Variants in PIAS3 observed in about 807,000 individuals in gnomAD.
PIAS3 encodes E3 SUMO-protein ligase PIAS3.
A neutral mutation model predicts 67.6 loss-of-function variants in PIAS3; 34 were observed. The observed-to-expected ratio is 0.50, with a 90% CI of 0.38 to 0.67. The LOEUF is 0.67. PIAS3 is among the 30% of genes least tolerant of loss of function. PIAS3 has a pLI of 0.00. For missense variants in PIAS3, 693 were observed against 791.6 expected (o/e 0.88, Z 1.49); for synonymous variants, 341 against 313.8 (o/e 1.09, Z -0.92).
At chr1:145,854,698 C>G in intron 6 of PIAS3, 48 bp downstream of exon 6, 2 of 1,613,868 alleles carry the variant, frequency 1.2e-6, no homozygotes, top group Non-Finnish European at 1.7e-6. Context: ...GATGGTTCCC[C>G]TTCACCCTCA....
At position 145,854,390 on chromosome 1, in the gene PIAS3, T is replaced by C. The variant is rs1653077812; in HGVS notation, c.910+68A>G. 15 of 1,100,574 alleles carry C rather than the reference T, an allele frequency of 1.4e-5. 1 individual carries two copies. The highest frequency in any genetic ancestry group is 2.0e-4 in the Middle Eastern group (1 of 5,088). 68.2% of individuals were successfully genotyped at this position (1,100,574 alleles called of 1,614,324 possible). A position where few individuals can be genotyped will look rare whatever the true frequency, so the allele number is the denominator to read the frequency against. On this transcript the variant is annotated intron_variant, in intron 7 of 13. Transcript: ENST00000393045. ...CAAAAAAGAGGTATGGGTTTAATTA[T>C]GAAGGCTGGAGGGCCAGGAAGACTT... is the stretch of plus-strand genomic sequence containing the variant.
At chr1:145,857,389 C>G (rs1653235146) in intron 1 of PIAS3, 1 of 229,004 alleles carries the variant, frequency 4.4e-6, no homozygotes, top group Admixed American at 5.0e-5. Context: ...CTTGCCCTTT[C>G]TCAGACTCTC....
chr1:145,853,759 A>C, intron 8 of PIAS3, 54 bp downstream of exon 8: 1 of 1,608,488 alleles, frequency 6.2e-7, no homozygotes, highest in Non-Finnish European at 8.5e-7. Flanking sequence ...ATCAAAGTCC[A>C]CAGGCTAAAC....
chr1:145,850,273 G>A lies in PIAS3; in HGVS notation c.1583-4C>T, dbSNP rs782652779. ...AGAAATGAAAATAAATCTAAACCTG[G>A]CAGGAAAAGAAAAATCAAAATTAAC... On this transcript the variant is annotated splice_region_variant and splice_polypyrimidine_tract_variant and intron_variant, in intron 12 of 13. Transcript: ENST00000393045. The A allele has an allele frequency of 1.2e-6, 2 of 1,614,168 alleles. No homozygotes were observed. The highest frequency in any genetic ancestry group is 2.2e-5 in the South Asian group (2 of 91,086).
chr1:145,849,480 G>A lies in PIAS3; in HGVS notation c.1853C>T (p.Thr618Ile). Reference sequence around the variant, plus strand: ...GGAAATGATGTCTGACCGACAGCCAGTCAAAGAGGGACCTGAGGGCAGGGG... The same window carrying A: ...GGAAATGATGTCTGACCGACAGCCAATCAAAGAGGGACCTGAGGGCAGGGG... ...GGPLPSGPSL[T>I]GCRSDIISLD Residue 618 changes from threonine (T) to isoleucine (I), a missense_variant, in exon 14 of 14, where the codon ACT (threonine) becomes ATT (isoleucine). Thr to Ile is a moderately conservative substitution (Grantham distance 89). Transcript: ENST00000393045. 6.6e-7 allele frequency: 1 copy of A among 1,519,234 alleles called. No individual in the cohort carries two copies. The highest frequency in any genetic ancestry group is 2.3e-5 in the East Asian group (1 of 42,598). 94.1% of individuals were successfully genotyped at this position (1,519,234 alleles called of 1,614,324 possible). A position where few individuals can be genotyped will look rare whatever the true frequency, so the allele number is the denominator to read the frequency against.
intron 7 of PIAS3, 42 bp downstream of exon 7, chr1:145,854,416 G>T: frequency 7.3e-7 from 1 of 1,367,622 alleles, no homozygotes; most frequent in Non-Finnish European, 1.0e-6. Flanking sequence ...AGGAAGACTT[G>T]AATCCAGATC....
Position 145,856,445 on chromosome 1 carries a change from G to C in PIAS3, c.443-14C>G. ...TAGAAGTGGATGCTGAGGATACAAA[G>C]GGGCAGTTATTCCAAGCCCATGCAC... On this transcript the variant is annotated splice_polypyrimidine_tract_variant and intron_variant, in intron 2 of 13. Coordinates refer to ENST00000393045, the MANE Select transcript of PIAS3 (RefSeq NM_006099.3). 1.7e-5 allele frequency: 28 copies of C among 1,613,396 alleles called. No individual in the cohort carries two copies. The highest frequency in any genetic ancestry group is 2.4e-5 in the Non-Finnish European group (28 of 1,179,332).
In PIAS3 at chr1:145,859,069, G is replaced by C. The variant is rs2101689095; in HGVS notation, c.-79C>G. On this transcript the variant is annotated 5_prime_UTR_variant, in exon 1 of 14. Transcript: ENST00000393045. ...GCGCACAACTCTCCACCCTGGCGCC[G>C]GCCGCAAATGCCGCCTGCTCCGCCC... The C allele has an allele frequency of 7.0e-7, 1 of 1,423,560 alleles. No homozygotes were observed. Among genetic ancestry groups the C allele is most frequent in the East Asian group, 2.8e-5 (1 of 35,948 alleles). The allele number at this position is 1,423,560 out of a possible 1,614,324, so 88.2% of individuals were successfully genotyped here.
rs1553734908 is a variant in PIAS3, at chr1:145,853,867, A to T, written c.930T>A (p.Ala310=). 1 of 1,614,102 alleles carries T rather than the reference A, an allele frequency of 6.2e-7. No homozygotes were observed. Among genetic ancestry groups the T allele is most frequent in the Non-Finnish European group, 8.5e-7 (1 of 1,180,028 alleles). The change falls in exon 8 of 14, where the codon GCT becomes GCA. Residue 310 remains alanine (A), a synonymous_variant. Transcript: ENST00000393045. Reference sequence around the variant, plus strand: ...TAGTGGCCACCTCACTGTCAGGGTCAGCAGTCAATTTCTCCTTGACTGAAA... The same window carrying T: ...TAGTGGCCACCTCACTGTCAGGGTCTGCAGTCAATTTCTCCTTGACTGAAA... The part of the protein sequence containing the change: ...SRALIKEKLT[A]DPDSEVATTS...
In PIAS3 at chr1:145,849,309, G is replaced by A; in HGVS notation, c.*137C>T. 2.3e-6 allele frequency: 2 copies of A among 856,012 alleles called. No homozygotes were observed. Among genetic ancestry groups the A allele is most frequent in the African/African-American group, 1.7e-5 (1 of 57,504 alleles). The allele number at this position is 856,012 out of a possible 1,614,324, so 53.0% of individuals were successfully genotyped here. A position where few individuals can be genotyped will look rare whatever the true frequency, so the allele number is the denominator to read the frequency against. On this transcript the variant is annotated 3_prime_UTR_variant, in exon 14 of 14. Coordinates refer to ENST00000393045, the MANE Select transcript of PIAS3 (RefSeq NM_006099.3). Reference sequence around the variant, plus strand: ...GCTGGCCTTGTCAGGCAGAGATGAGGCCAAAAGTAGGCATCTGTGAAGGTC... The same window carrying A: ...GCTGGCCTTGTCAGGCAGAGATGAGACCAAAAGTAGGCATCTGTGAAGGTC...
At chr1:145,855,607 C>T (rs587647135) in intron 5 of PIAS3, 129 bp downstream of exon 5, 2 of 666,652 alleles carry the variant, frequency 3.0e-6, no homozygotes, top group East Asian at 5.2e-5. Context: ...TTGATTCAGT[C>T]AGTAAACTGA....
Position 145,849,440 on chromosome 1 carries a change from G to C in PIAS3, c.*6C>G. On this transcript the variant is annotated 3_prime_UTR_variant, in exon 14 of 14. Coordinates refer to ENST00000393045, the MANE Select transcript of PIAS3 (RefSeq NM_006099.3). ...GGGACAGCGAAGTTTCCATAATCCA[G>C]GGAACTCAGTCCAGGGAAATGATGT... 2 of 1,486,806 alleles carry C rather than the reference G, an allele frequency of 1.3e-6. No individual in the cohort carries two copies. Among genetic ancestry groups the C allele is most frequent in the Non-Finnish European group, 1.8e-6 (2 of 1,123,066 alleles). 92.1% of individuals were successfully genotyped at this position (1,486,806 alleles called of 1,614,324 possible).
intron 9 of PIAS3, 142 bp downstream of exon 9, chr1:145,853,362 A>G: frequency 3.4e-6 from 2 of 595,934 alleles, no homozygotes. Context: ...GTGAGCCAAG[A>G]TTGTGCCACT....
chr1:145,853,120 ATAT>A (rs1384922365), intron 9 of PIAS3, among the ~76,000 whole-genome samples: 1 of 152,158 alleles, frequency 6.6e-6, no homozygotes, highest in Admixed American at 6.6e-5. Flanking sequence ...GAAAAAAGAA[ATAT>A]TATAGGCTGG....
chr1:145,850,617 C>T, intron 11 of PIAS3, 31 bp from the exon 12 acceptor site: 1 of 1,609,764 alleles, frequency 6.2e-7, no homozygotes, highest in Non-Finnish European at 8.5e-7. Context: ...AGGCAGCCAG[C>T]AAACCACAGA....
chr1:145,848,660 C>T lies in PIAS3; in HGVS notation c.*786G>A. The T allele has an allele frequency of 1.7e-6, 1 of 586,774 alleles. No individual in the cohort carries two copies. The highest frequency in any genetic ancestry group is 2.1e-5 in the South Asian group (1 of 47,392). 36.3% of individuals were successfully genotyped at this position (586,774 alleles called of 1,614,324 possible). A position where few individuals can be genotyped will look rare whatever the true frequency, so the allele number is the denominator to read the frequency against. On this transcript the variant is annotated 3_prime_UTR_variant, in exon 14 of 14. Transcript: ENST00000393045. ...GGAGGGCACAGGGTCCTTCCACCTC[C>T]CTGGAAAGGTGCAGAATGAGCCAGG...
In PIAS3 at chr1:145,850,788, G is replaced by T. The variant is rs1553734112; in HGVS notation, c.1431C>A (p.Ala477=). 6.2e-7 allele frequency: 1 copy of T among 1,614,182 alleles called. No individual in the cohort carries two copies. Among genetic ancestry groups the T allele is most frequent in the Non-Finnish European group, 8.5e-7 (1 of 1,180,036 alleles). The change falls in exon 11 of 14, where the codon GCC becomes GCA. Residue 477 remains alanine, a synonymous_variant. Transcript: ENST00000393045. ...HCSVTSAAIP[A]LPGSKGVLTS... is the part of the protein sequence containing the mutation. ...TCTCATACCCTTTGCTTCCAGGTAG[G>T]GCCGGGATGGCAGCTGAGGTGACAG...
In PIAS3 at chr1:145,850,109, C is replaced by T. The variant is rs988693043; in HGVS notation, c.1620+123G>A. The T allele has an allele frequency of 6.6e-5, 103 of 1,549,826 alleles. No individual in the cohort carries two copies. In the Admixed American group the frequency reaches 2.1e-3, roughly 32 times the overall value. Reference sequence around the variant, plus strand: ...TGAGGAGATAATAAGATACCTACACCCCACTGCCCTCACGGGAAAGCAGAT... The same window carrying T: ...TGAGGAGATAATAAGATACCTACACTCCACTGCCCTCACGGGAAAGCAGAT... On this transcript the variant is annotated intron_variant, in intron 13 of 13. Transcript: ENST00000393045.
At chr1:145,853,027 G>A (rs1215472935) in intron 9 of PIAS3, among the ~76,000 whole-genome samples, 3 of 152,082 alleles carry the variant, frequency 2.0e-5, no homozygotes, top group Admixed American at 1.3e-4. Flanking sequence ...TGGTAAAAGG[G>A]ATAGATAAGG....
Sources: gnomAD v4.1 joint callset for allele counts (sites outside exome capture counted in the v4.1 genomes callset) on GRCh38, gnomAD v4.1.1 for gene constraint, MANE v1.5 for transcripts, NCBI Gene and HGNC (gene_info 2026-07-23, HGNC 2026-07-21) for gene names.